Variants in SCUBE2 observed in about 807,000 individuals in gnomAD.
The protein encoded by SCUBE2 is signal peptide, CUB domain and EGF like domain containing 2.
SCUBE2 carries 114 observed loss-of-function variants against 125.9 expected under a neutral mutation model. The observed-to-expected ratio is 0.91, with a 90% CI of 0.78 to 1.06. The LOEUF (loss-of-function observed/expected upper bound fraction) is 1.06. Among genes scored for constraint, SCUBE2 ranks in the 50% least tolerant of loss-of-function variants. The probability of loss-of-function intolerance (pLI) is 0.00; values close to 1 mark genes in which losing one functional copy is unlikely to be tolerated. For missense variants in SCUBE2, 1,255 were observed against 1,301.8 expected, an observed-to-expected ratio of 0.96 and a Z score of 0.55; for synonymous variants, 459 against 492.9, an observed-to-expected ratio of 0.93 and a Z score of 0.91.
intron 2 of SCUBE2, among the ~76,000 whole-genome samples, chr11:9,087,520 G>A (rs552736717): frequency 6.6e-6 from 1 of 152,054 alleles, no homozygotes; most frequent in Admixed American, 6.6e-5. Flanking sequence ...GCAGGGGGAG[G>A]GGGGAAGAGA....
At chr11:9,050,418 A>G in intron 14 of SCUBE2, 188 bp downstream of exon 14, 1 of 594,706 alleles carries the variant, frequency 1.7e-6, no homozygotes, top group East Asian at 2.8e-5. Context: ...GAACTATACA[A>G]GCATGCTAGG....
chr11:9,081,972 T>C (rs773048247), intron 2 of SCUBE2, among the ~76,000 whole-genome samples: 8 of 152,214 alleles, frequency 5.3e-5, no homozygotes, highest in Non-Finnish European at 7.3e-5. Flanking sequence ...GCTTCCAATT[T>C]TTCCACATCC....
intron 19 of SCUBE2, 97 bp from the exon 20 acceptor site, chr11:9,027,658 C>G: frequency 9.7e-7 from 1 of 1,030,418 alleles, no homozygotes; most frequent in South Asian, 1.6e-5. Flanking sequence ...TGTTGCCACC[C>G]AGGAATGGGG....
At chr11:9,054,725 A>ATTTTTTTTTTTT (rs1174774188) in intron 10 of SCUBE2, among the ~76,000 whole-genome samples, 2 of 22,348 alleles carry the variant, frequency 8.9e-5, no homozygotes, top group Non-Finnish European at 1.4e-4. Context: ...ATATATATAT[A>ATTTTTTTTTTTT]TTTTTTTTTT....
chr11:9,037,223 G>A (rs1019215466), intron 16 of SCUBE2, among the ~76,000 whole-genome samples: 5 of 152,284 alleles, frequency 3.3e-5, no homozygotes, highest in East Asian at 3.9e-4. Flanking sequence ...TTGCTGCCCA[G>A]GACAAAGGAG....
intron 20 of SCUBE2, chr11:9,026,387 A>G (rs149385535): frequency 2.8e-3 from 425 of 154,170 alleles, no homozygotes; most frequent in African/African-American, 9.7e-3. Flanking sequence ...AAGAAGAGCA[A>G]ACGTTTATAT....
In SCUBE2 at chr11:9,047,501, G is replaced by A. The variant is rs777017822; in HGVS notation, c.1857C>T (p.Arg619=). The A allele has an allele frequency of 3.1e-6, 5 of 1,613,906 alleles. No homozygotes were observed. The Middle Eastern group carries it at 6.6e-4, about 213-fold the overall frequency. ...RTEKRLRKAI[R]TLRKAVHREQ... Reference sequence around the variant, plus strand: ...CCCTGTGGACGGCCTTTCTGAGCGTGCGGATGGCTTTACGGAGCCGCTTCT... The same window carrying A: ...CCCTGTGGACGGCCTTTCTGAGCGTACGGATGGCTTTACGGAGCCGCTTCT... The change falls in exon 16 of 23, where the codon CGC becomes CGT. Residue 619 remains arginine, a synonymous_variant. Transcript: ENST00000649792.
chr11:9,053,765 GA>G lies in SCUBE2; in HGVS notation c.1208-7del, dbSNP rs902586972. The G allele has an allele frequency of 6.2e-7, 1 of 1,610,946 alleles. No homozygotes were observed. Among genetic ancestry groups the G allele is most frequent in the Admixed American group, 1.7e-5 (1 of 59,964 alleles). On this transcript the variant is annotated splice_polypyrimidine_tract_variant and splice_region_variant and intron_variant, in intron 10 of 22. Coordinates refer to ENST00000649792, the MANE Select transcript of SCUBE2 (RefSeq NM_001367977.2). ...GATGCTGCACTCATTGGTGTCTGTG[GA>G]ACAAAATACTCTCCTGTCATAGCAG... is the stretch of plus-strand genomic sequence containing the variant.
At chr11:9,042,670 C>G (rs1276244695) in intron 16 of SCUBE2, among the ~76,000 whole-genome samples, 1 of 152,264 alleles carries the variant, frequency 6.6e-6, no homozygotes, top group East Asian at 1.9e-4. Context: ...ATTCAACCAA[C>G]CCCCTGGCGT....
intron 4 of SCUBE2, among the ~76,000 whole-genome samples, chr11:9,073,939 A>G (rs1861007336): frequency 6.6e-6 from 1 of 152,230 alleles, no homozygotes; most frequent in Non-Finnish European, 1.5e-5. Flanking sequence ...ATGGTGACGT[A>G]GGCGAAGGAA....
intron 2 of SCUBE2, 41 bp from the exon 3 acceptor site, chr11:9,079,550 C>A (rs751672104): frequency 3.1e-6 from 5 of 1,602,792 alleles, no homozygotes; most frequent in Non-Finnish European, 4.3e-6. Flanking sequence ...GGTGCTATTT[C>A]TTTGATGTGA....
Position 9,055,803 on chromosome 11 carries a change from G to A in SCUBE2, c.1197C>T (p.Thr399=), listed in dbSNP as rs1474186007. 3 of 1,613,588 alleles carry A rather than the reference G, an allele frequency of 1.9e-6. No homozygotes were observed. In the South Asian group the frequency reaches 3.3e-5, roughly 18 times the overall value. The change falls in exon 10 of 23, where the codon ACC becomes ACT. Residue 399 remains threonine, a synonymous_variant. Coordinates refer to ENST00000649792, the MANE Select transcript of SCUBE2 (RefSeq NM_001367977.2). ...CNRGYTLYGF[T]HCGDTNECSI... is the part of the protein sequence containing the mutation. ...GGGCAGTCTGCTCACCTCCACAGTGGGTGAAGCCATACAGGGTGTACCCTC... is the reference window on the plus strand; with the variant it reads ...GGGCAGTCTGCTCACCTCCACAGTGAGTGAAGCCATACAGGGTGTACCCTC...
intron 3 of SCUBE2, among the ~76,000 whole-genome samples, chr11:9,078,580 G>A (rs1861384765): frequency 6.6e-6 from 1 of 152,200 alleles, no homozygotes; most frequent in African/African-American, 2.4e-5. Context: ...TGTCCCCACA[G>A]AGCCAGGGCC....
At chr11:9,056,075 G>A (rs924381644) in intron 9 of SCUBE2, among the ~76,000 whole-genome samples, 166 bp from the exon 10 acceptor site, 10 of 152,154 alleles carry the variant, frequency 6.6e-5, no homozygotes, top group African/African-American at 2.4e-4. Context: ...AGAAAGTGTG[G>A]AGCAGCCCAC....
intron 7 of SCUBE2, among the ~76,000 whole-genome samples, chr11:9,063,446 T>G (rs2135651493): frequency 6.6e-6 from 1 of 152,078 alleles, no homozygotes; most frequent in East Asian, 1.9e-4. Context: ...CTTTCACAGG[T>G]TTCACACAAA....
chr11:9,088,269 C>T (rs1023973784), intron 2 of SCUBE2, among the ~76,000 whole-genome samples: 1 of 152,200 alleles, frequency 6.6e-6, no homozygotes, highest in African/African-American at 2.4e-5. Flanking sequence ...CAGTGGATCA[C>T]CTGAGGTCAG....
chr11:9,020,337 T>G lies in SCUBE2; in HGVS notation c.*708A>C, dbSNP rs1387249922. ...GCGAGAGTCAGCATAGTGCATTTGC[T>G]GCAGGGTGGAAGCTTGCAACGAGGA... is the stretch of plus-strand genomic sequence containing the variant. On this transcript the variant is annotated 3_prime_UTR_variant, in exon 23 of 23. Coordinates refer to ENST00000649792, the MANE Select transcript of SCUBE2 (RefSeq NM_001367977.2). The G allele has an allele frequency of 6.6e-6, 1 of 152,404 alleles. No homozygotes were observed. The highest frequency in any genetic ancestry group is 1.5e-5 in the Non-Finnish European group (1 of 68,052). 9.4% of individuals were successfully genotyped at this position (152,404 alleles called of 1,614,324 possible).
chr11:9,050,756 A>G, intron 13 of SCUBE2, 46 bp from the exon 14 acceptor site: 1 of 1,447,064 alleles, frequency 6.9e-7, no homozygotes, highest in Non-Finnish European at 9.7e-7. Flanking sequence ...GAGGCAAAGG[A>G]ATGGAGACAC....
intron 13 of SCUBE2, among the ~76,000 whole-genome samples, chr11:9,052,408 C>T (rs1858509526): frequency 1.3e-5 from 2 of 152,242 alleles, no homozygotes; most frequent in African/African-American, 4.8e-5. Context: ...CTATTTCTAT[C>T]CACACCATGT....
Sources: gnomAD v4.1 joint callset for allele counts (sites outside exome capture counted in the v4.1 genomes callset) on GRCh38, gnomAD v4.1.1 for gene constraint, MANE v1.5 for transcripts, NCBI Gene and HGNC (gene_info 2026-07-23, HGNC 2026-07-21) for gene names.